SLC9B1: variants seen among roughly 807,000 people sequenced by gnomAD.
The protein encoded by SLC9B1 is sodium/hydrogen exchanger 9B1.
Under a neutral mutation model 51.7 loss-of-function variants are expected in SLC9B1, and 32 were observed. That is an observed-to-expected ratio of 0.62 (90% CI 0.47 to 0.83). SLC9B1 has a LOEUF of 0.83. Among genes scored for constraint, SLC9B1 ranks in the 40% least tolerant of loss-of-function variants. The pLI is 0.00. For synonymous variants in SLC9B1, 145 were observed against 212.7 expected (o/e 0.68, Z 2.77); for missense variants, 406 against 613.2 (o/e 0.66, Z 3.57).
chr4:102,917,034 C>T (rs1384858890), intron 7 of SLC9B1, among the ~76,000 whole-genome samples: 1 of 152,218 alleles, frequency 6.6e-6, no homozygotes, highest in Non-Finnish European at 1.5e-5. Context: ...AACAAAAAGG[C>T]AGAAGAATGG....
At chr4:102,988,230 C>A (rs1013575281) in intron 3 of SLC9B1, among the ~76,000 whole-genome samples, 2 of 152,042 alleles carry the variant, frequency 1.3e-5, no homozygotes, top group African/African-American at 4.8e-5. Context: ...GGAATAATAT[C>A]TTAAGCTCTA....
intron 8 of SLC9B1, 101 bp downstream of exon 8, chr4:102,911,330 G>T: frequency 1.3e-6 from 1 of 781,134 alleles, no homozygotes; most frequent in Non-Finnish European, 2.0e-6. Flanking sequence ...TAGTTTTAGA[G>T]AAATAGAATT....
Position 103,016,399 on chromosome 4 carries a change from C to G in SLC9B1, c.-2+3200G>C, listed in dbSNP as rs1010976068. Among the ~76,000 whole-genome samples the G allele has an allele frequency of 2.0e-5, 3 of 152,060 alleles. No homozygotes were observed. In the East Asian group the frequency reaches 5.8e-4, roughly 29 times the overall value. ...TCTATTACCTCCATTTCTTGGCTCT[C>G]TTTCATAGTAAAACATCTTGAGATG... is the stretch of plus-strand genomic sequence containing the variant. On this transcript the variant is annotated intron_variant, in intron 1 of 11. Coordinates refer to ENST00000296422, the MANE Select transcript of SLC9B1 (RefSeq NM_139173.4).
intron 1 of SLC9B1, among the ~76,000 whole-genome samples, chr4:103,013,594 T>C (rs944888015): frequency 1.3e-5 from 2 of 152,222 alleles, no homozygotes; most frequent in Admixed American, 6.5e-5. Flanking sequence ...TTCTATTTAG[T>C]ATATCTAATT....
At chr4:102,986,734 C>G (rs1379783160) in intron 3 of SLC9B1, among the ~76,000 whole-genome samples, 1 of 152,148 alleles carries the variant, frequency 6.6e-6, no homozygotes, top group Non-Finnish European at 1.5e-5. Context: ...CCCGGAGATT[C>G]TTTCTCAGCT....
chr4:102,969,602 C>T (rs1443544129), intron 3 of SLC9B1, among the ~76,000 whole-genome samples: 4 of 152,148 alleles, frequency 2.6e-5, no homozygotes, highest in Non-Finnish European at 4.4e-5. Flanking sequence ...CGGAGCTCCT[C>T]GCCAGCAATG....
At chr4:102,946,573 T>A in intron 5 of SLC9B1, 74 bp downstream of exon 5, 1 of 1,504,472 alleles carries the variant, frequency 6.6e-7, no homozygotes, top group Admixed American at 2.1e-5. Flanking sequence ...AAAATAAAAT[T>A]TTTGCTTCTT....
chr4:102,913,515 T>C (rs1251390848), intron 7 of SLC9B1, among the ~76,000 whole-genome samples: 5 of 151,972 alleles, frequency 3.3e-5, no homozygotes, highest in East Asian at 3.9e-4. Flanking sequence ...CTGGGAGCAG[T>C]GGCAGTTTTT....
At chr4:102,967,732 G>A (rs542213531) in intron 3 of SLC9B1, among the ~76,000 whole-genome samples, 3 of 152,196 alleles carry the variant, frequency 2.0e-5, no homozygotes, top group African/African-American at 7.2e-5. Flanking sequence ...CTTCCCATTA[G>A]GCCCCACCTC....
chr4:102,950,677 T>G (rs866671898), intron 3 of SLC9B1, among the ~76,000 whole-genome samples: 3 of 152,106 alleles, frequency 2.0e-5, no homozygotes, highest in Non-Finnish European at 4.4e-5. Flanking sequence ...ACTGGAAGCC[T>G]TGGAGGGCTA....
intron 7 of SLC9B1, among the ~76,000 whole-genome samples, chr4:102,926,832 C>T (rs1424296522): frequency 1.3e-5 from 2 of 152,174 alleles, no homozygotes; most frequent in East Asian, 3.8e-4. Flanking sequence ...AGGCATCACA[C>T]TACCTGACTT....
At chr4:102,920,610 T>C (rs1014985943) in intron 7 of SLC9B1, among the ~76,000 whole-genome samples, 23 of 152,112 alleles carry the variant, frequency 1.5e-4, no homozygotes, top group African/African-American at 5.6e-4. Flanking sequence ...AACAAACTTC[T>C]CCGAGCTAAA....
At chr4:102,940,869 T>C (rs1399198404) in intron 6 of SLC9B1, among the ~76,000 whole-genome samples, 2 of 152,040 alleles carry the variant, frequency 1.3e-5, no homozygotes, top group East Asian at 3.9e-4. Context: ...AAACAAGCAA[T>C]GGGGAAAGGA....
chr4:102,895,640 A>T (rs1471887353), intron 11 of SLC9B1, among the ~76,000 whole-genome samples: 5 of 152,200 alleles, frequency 3.3e-5, no homozygotes, highest in African/African-American at 1.2e-4. Context: ...TTTGTTAATA[A>T]AACAGATTTG....
downstream of SLC9B1, among the ~76,000 whole-genome samples, chr4:102,899,458 G>T (rs993764485): frequency 5.9e-5 from 9 of 151,322 alleles, no homozygotes; most frequent in African/African-American, 2.2e-4. Context: ...CTGTCTCCCA[G>T]GCTGGAGTGC....
intron 3 of SLC9B1, among the ~76,000 whole-genome samples, chr4:102,957,789 T>C (rs1737885493): frequency 6.6e-6 from 1 of 151,740 alleles, no homozygotes; most frequent in African/African-American, 2.4e-5. Flanking sequence ...TATATGTGTG[T>C]GTGTGTGTGT....
At chr4:102,918,823 T>C (rs536287012) in intron 7 of SLC9B1, among the ~76,000 whole-genome samples, 1 of 152,170 alleles carries the variant, frequency 6.6e-6, no homozygotes, top group Non-Finnish European at 1.5e-5. Context: ...GTTCATAAAT[T>C]ACCAGCCTAA....
At chr4:102,995,471 A>C (rs1164347903) in intron 1 of SLC9B1, among the ~76,000 whole-genome samples, 4 of 152,210 alleles carry the variant, frequency 2.6e-5, no homozygotes, top group Non-Finnish European at 5.9e-5. Context: ...ATTTTAAGAT[A>C]TGTAACTATA....
At chr4:102,912,468 T>C (rs563910038) in intron 7 of SLC9B1, among the ~76,000 whole-genome samples, 2 of 152,244 alleles carry the variant, frequency 1.3e-5, no homozygotes, top group South Asian at 4.1e-4. Context: ...TTGTAGTTCA[T>C]TGTAATAAGT....
Sources: allele counts gnomAD v4.1 joint callset (sites outside exome capture counted in the v4.1 genomes callset), GRCh38; gene constraint gnomAD v4.1.1; transcripts MANE v1.5; gene names NCBI Gene and HGNC (gene_info 2026-07-23, HGNC 2026-07-21).